The following HYCC2 variants were observed in gnomAD, a reference collection of about 807,000 sequenced individuals.
The protein encoded by HYCC2 is hyccin PI4KA lipid kinase complex subunit 2.
the HYCC2 span, chr2:200,979,302 C>T: frequency 6.6e-6 from 1 of 152,018 alleles, no homozygotes; most frequent in Admixed American, 6.6e-5. Context: ...CACACAGACA[C>T]ACACAAAACA....
chr2:200,997,742 T>C, the HYCC2 span, among the ~76,000 whole-genome samples: 2 of 152,128 alleles, frequency 1.3e-5, no homozygotes, highest in Admixed American at 6.6e-5. Context: ...TTTCCGTTTT[T>C]AAAAAATAAA....
the HYCC2 span, among the ~76,000 whole-genome samples, chr2:201,002,239 G>C: frequency 1.4e-5 from 2 of 145,048 alleles, no homozygotes; most frequent in African/African-American, 2.6e-5. Context: ...TTTGAGACCA[G>C]CCTGGGCAAT....
At chr2:201,036,536 G>T in the HYCC2 span, among the ~76,000 whole-genome samples, 2 of 152,150 alleles carry the variant, frequency 1.3e-5, no homozygotes, top group African/African-American at 4.8e-5. Context: ...ACATCAAAAA[G>T]CTTATCCACC....
chr2:201,027,853 T>C, the HYCC2 span, among the ~76,000 whole-genome samples: 2 of 152,118 alleles, frequency 1.3e-5, no homozygotes, highest in African/African-American at 4.8e-5. Flanking sequence ...CTACAGCCAA[T>C]ATCATACTGA....
chr2:201,048,055 G>A, the HYCC2 span, among the ~76,000 whole-genome samples: 17 of 152,028 alleles, frequency 1.1e-4, no homozygotes, highest in Admixed American at 3.3e-4. Context: ...TATATATATC[G>A]GGGTAAACAG....
the HYCC2 span, among the ~76,000 whole-genome samples, chr2:201,010,857 GA>G: frequency 6.6e-6 from 1 of 151,706 alleles, no homozygotes; most frequent in African/African-American, 2.4e-5. Flanking sequence ...AGTAAAAAAT[GA>G]TGGTAGAGTC....
the HYCC2 span, among the ~76,000 whole-genome samples, chr2:200,998,510 G>A: frequency 5.9e-5 from 9 of 152,076 alleles, no homozygotes; most frequent in Non-Finnish European, 8.8e-5. Flanking sequence ...TCTTTCACCC[G>A]TTTAGTAATA....
At chr2:201,017,323 G>A in the HYCC2 span, among the ~76,000 whole-genome samples, 12 of 151,216 alleles carry the variant, frequency 7.9e-5, no homozygotes, top group African/African-American at 2.9e-4. Context: ...TTTGTGTAAA[G>A]AGACCACATA....
chr2:201,016,030 C>A, the HYCC2 span, among the ~76,000 whole-genome samples: 1 of 152,182 alleles, frequency 6.6e-6, no homozygotes, highest in Non-Finnish European at 1.5e-5. Flanking sequence ...TCGAACACAG[C>A]AGGAGTTTCC....
chr2:201,041,593 A>T, the HYCC2 span, among the ~76,000 whole-genome samples: 1 of 152,158 alleles, frequency 6.6e-6, no homozygotes, highest in Non-Finnish European at 1.5e-5. Context: ...TTCCAACACA[A>T]GATTTATTTC....
the HYCC2 span, among the ~76,000 whole-genome samples, chr2:201,004,644 T>C: frequency 5.9e-5 from 9 of 152,160 alleles, no homozygotes; most frequent in African/African-American, 2.4e-5. Flanking sequence ...CTCAGAGTAC[T>C]GTAAAAGGAC....
chr2:201,029,700 G>A, the HYCC2 span, among the ~76,000 whole-genome samples: 1 of 152,058 alleles, frequency 6.6e-6, no homozygotes, highest in South Asian at 2.1e-4. Context: ...AACACCACAT[G>A]TTCTCACTCA....
At chr2:201,027,245 C>T in the HYCC2 span, among the ~76,000 whole-genome samples, 2 of 151,992 alleles carry the variant, frequency 1.3e-5, no homozygotes, top group Admixed American at 6.6e-5. Context: ...ACACATACAC[C>T]CTCCTGAGAC....
chr2:201,007,233 C>T, the HYCC2 span, among the ~76,000 whole-genome samples: 4,331 of 152,154 alleles, frequency 0.028, 218 homozygotes, highest in African/African-American at 0.099. Context: ...TACCAATAAA[C>T]CCATTGTAAA....
chr2:201,003,162 G>A, the HYCC2 span, among the ~76,000 whole-genome samples: 3 of 151,940 alleles, frequency 2.0e-5, no homozygotes, highest in Non-Finnish European at 2.9e-5. Context: ...AAACTCCTGG[G>A]CTTGGTCCTC....
At chr2:200,987,054 G>A in the HYCC2 span, among the ~76,000 whole-genome samples, 1 of 152,178 alleles carries the variant, frequency 6.6e-6, no homozygotes, top group Non-Finnish European at 1.5e-5. Context: ...AACATGCTCA[G>A]TAATAAAAAA....
the HYCC2 span, among the ~76,000 whole-genome samples, chr2:201,040,715 C>T: frequency 6.6e-6 from 1 of 152,042 alleles, no homozygotes; most frequent in African/African-American, 2.4e-5. Flanking sequence ...GGACTCCTGA[C>T]CTCAAGTGAT....
chr2:201,016,057 A>G, the HYCC2 span, among the ~76,000 whole-genome samples: 1 of 152,222 alleles, frequency 6.6e-6, no homozygotes, highest in Non-Finnish European at 1.5e-5. Context: ...CAGGTGCCAC[A>G]CATGTAATTC....
chr2:201,053,511 A>G, the HYCC2 span, among the ~76,000 whole-genome samples: 2 of 152,220 alleles, frequency 1.3e-5, no homozygotes, highest in African/African-American at 4.8e-5. Flanking sequence ...CCTTCTTTCT[A>G]CTTTTAAAAT....
Sources: gnomAD v4.1 joint callset for allele counts (sites outside exome capture counted in the v4.1 genomes callset) on GRCh38, gnomAD v4.1.1 for gene constraint, MANE v1.5 for transcripts, NCBI Gene and HGNC (gene_info 2026-07-23, HGNC 2026-07-21) for gene names.